The following RAB40A variants were observed in gnomAD, a reference collection of about 807,000 sequenced individuals.
RAB40A encodes ras-related protein Rab-40A.
For synonymous variants in RAB40A, 65 were observed against 99.9 expected (o/e 0.65, Z 2.08); for missense variants, 145 against 230.2 (o/e 0.63, Z 2.40).
chrX:103,495,268 T>C (rs955670651), downstream of RAB40A, among the ~76,000 whole-genome samples: 2 of 112,260 alleles, frequency 1.8e-5, no homozygotes, highest in African/African-American at 6.5e-5. Flanking sequence ...TTTTGTATCT[T>C]GCAACTATAC....
At chrX:103,507,623 C>T (rs1229256028) in intron 2 of RAB40A, among the ~76,000 whole-genome samples, 3 of 112,034 alleles carry the variant, frequency 2.7e-5, no homozygotes, top group Non-Finnish European at 5.6e-5. Flanking sequence ...AAGTTAACTG[C>T]TGATCAGGAG....
At chrX:103,502,941 C>G in intron 2 of RAB40A, 25 of 764,790 alleles carry the variant, frequency 3.3e-5, no homozygotes, top group Non-Finnish European at 3.9e-5. Context: ...GCTGGCTGAG[C>G]CTCTGGGCTA....
chrX:103,493,580 G>C, the RAB40A span, among the ~76,000 whole-genome samples: 2 of 111,241 alleles, frequency 1.8e-5, no homozygotes, highest in African/African-American at 6.5e-5. Flanking sequence ...CCTCCAGCCT[G>C]CCACCATCCT....
intron 2 of RAB40A, among the ~76,000 whole-genome samples, chrX:103,504,781 C>G (rs934564176): frequency 3.6e-5 from 4 of 112,302 alleles, no homozygotes; most frequent in African/African-American, 1.3e-4. Flanking sequence ...CTCAGCCTCC[C>G]AAAGTGCTGG....
At chrX:103,504,098 CAT>C (rs756284253) in intron 2 of RAB40A, among the ~76,000 whole-genome samples, 51 of 111,631 alleles carry the variant, frequency 4.6e-4, no homozygotes, top group African/African-American at 1.3e-3. Flanking sequence ...CCAAATACCA[CAT>C]GTTTTCACTT....
At chrX:103,509,248 A>T (rs2073273122) in intron 2 of RAB40A, among the ~76,000 whole-genome samples, 1 of 110,280 alleles carries the variant, frequency 9.1e-6, no homozygotes, top group African/African-American at 3.3e-5. Flanking sequence ...TGAAGTTTTT[A>T]AAAATCTCTT....
At chrX:103,511,270 G>A (rs951559118) in intron 2 of RAB40A, among the ~76,000 whole-genome samples, 5 of 110,577 alleles carry the variant, frequency 4.5e-5, no homozygotes, top group Admixed American at 2.9e-4. Context: ...AGGCCGAGGC[G>A]GGCAGATCAT....
Position 103,500,304 on chromosome X carries a change from G to GTC in RAB40A, c.452_453insGA (p.Phe152ThrfsTer14), listed in dbSNP as rs1404012342. 1 of 1,212,212 alleles carries GTC rather than the reference G, an allele frequency of 8.2e-7. No homozygotes were observed. Among genetic ancestry groups the GTC allele is most frequent in the Admixed American group, 2.2e-5 (1 of 46,133 alleles). On this transcript the variant is annotated frameshift_variant, in exon 3 of 3. Transcript: ENST00000304236. LOFTEE classifies it low-confidence loss of function (END_TRUNC). ...TGCACAGAGGGCTGACCTCAAAGAA[G>GTC]GTCACACCCAGGCGCTCGGCGTAGG...
downstream of RAB40A, among the ~76,000 whole-genome samples, chrX:103,498,558 G>C (rs1013533154): frequency 7.8e-4 from 88 of 112,323 alleles, no homozygotes; most frequent in South Asian, 2.2e-3. Flanking sequence ...ATGCTCCCCA[G>C]CCAGGTTGCT....
chrX:103,518,777 T>C (rs1049913255), intron 1 of RAB40A, among the ~76,000 whole-genome samples: 8 of 111,880 alleles, frequency 7.2e-5, no homozygotes, highest in African/African-American at 2.6e-4. Flanking sequence ...AGTGGAAATA[T>C]TGCAAAAGAA....
intron 1 of RAB40A, among the ~76,000 whole-genome samples, chrX:103,518,750 A>T (rs1202371051): frequency 3.6e-5 from 4 of 111,976 alleles, no homozygotes; most frequent in Non-Finnish European, 1.9e-5. Flanking sequence ...CTAGGGAAAC[A>T]ACTCATTGTT....
chrX:103,512,636 T>A (rs778703854), intron 2 of RAB40A, among the ~76,000 whole-genome samples: 1 of 112,292 alleles, frequency 8.9e-6, no homozygotes, highest in South Asian at 3.7e-4. Context: ...CTGTTTCTAC[T>A]GCCATTTTTT....
chrX:103,505,119 C>CT (rs1255556330), intron 2 of RAB40A, among the ~76,000 whole-genome samples: 31 of 112,139 alleles, frequency 2.8e-4, no homozygotes, highest in Admixed American at 9.4e-5. Context: ...TGAAATTATA[C>CT]TTTTTTGTTT....
At chrX:103,502,819 T>C (rs1569374231) in intron 2 of RAB40A, 1 of 746,658 alleles carries the variant, frequency 1.3e-6, no homozygotes, top group African/African-American at 2.3e-5. Flanking sequence ...TAGAACTGAC[T>C]GTATCATCCT....
At chrX:103,511,934 T>C (rs1487947191) in intron 2 of RAB40A, among the ~76,000 whole-genome samples, 1 of 111,426 alleles carries the variant, frequency 9.0e-6, no homozygotes, top group Non-Finnish European at 1.9e-5. Context: ...TCGTATAAGA[T>C]AATGAAAATG....
At chrX:103,505,639 T>C (rs1386383918) in intron 2 of RAB40A, among the ~76,000 whole-genome samples, 1 of 111,820 alleles carries the variant, frequency 8.9e-6, no homozygotes, top group Non-Finnish European at 1.9e-5. Flanking sequence ...TTTACTTCTT[T>C]TGCTCATTTT....
chrX:103,508,287 TC>T (rs774646905), intron 2 of RAB40A, among the ~76,000 whole-genome samples: 1 of 111,312 alleles, frequency 9.0e-6, no homozygotes, highest in East Asian at 2.8e-4. Flanking sequence ...TGGAAGCCCA[TC>T]TTCTAAAGGG....
rs947949362 is a variant in RAB40A, at chrX:103,515,044, T to C, written c.-71+2330A>G. On this transcript the variant is annotated intron_variant, in intron 2 of 2. Coordinates refer to ENST00000304236, the MANE Select transcript of RAB40A (RefSeq NM_080879.3). ...AAATGATTCCAAGTTCAAACTAAAC[T>C]CTGACTCTCAAGTCACCATCCCTAA... 8.9e-5 allele frequency among the ~76,000 whole-genome samples: 10 copies of C among 112,095 alleles called. No individual in the cohort carries two copies. In the Admixed American group the frequency reaches 9.5e-4, roughly 11 times the overall value.
chrX:103,509,289 A>ATCTCTCTCTC (rs373450734), intron 2 of RAB40A, among the ~76,000 whole-genome samples: 1 of 86,110 alleles, frequency 1.2e-5, no homozygotes, highest in African/African-American at 4.3e-5. Context: ...CAGCCACAGG[A>ATCTCTCTCTC]TCTCTCTCTC....
Sources: allele counts gnomAD v4.1 joint callset (sites outside exome capture counted in the v4.1 genomes callset), GRCh38; gene constraint gnomAD v4.1.1; transcripts MANE v1.5; gene names NCBI Gene and HGNC (gene_info 2026-07-23, HGNC 2026-07-21).